Variants in SECISBP2L observed in about 807,000 individuals in gnomAD.
SECISBP2L encodes SECIS binding protein 2 like.
A neutral mutation model predicts 114.7 loss-of-function variants in SECISBP2L; 43 were observed. The observed-to-expected ratio is 0.38, with a 90% CI of 0.29 to 0.48. The LOEUF (loss-of-function observed/expected upper bound fraction) is 0.48, where lower values mean the gene tolerates loss of function less well. Ranked by LOEUF, SECISBP2L falls within the 20% of genes least tolerant of loss-of-function variation. SECISBP2L has a pLI of 0.98. For synonymous variants in SECISBP2L, 451 were observed against 439.7 expected, an observed-to-expected ratio of 1.03 and a Z score of -0.32; for missense variants, 1,136 against 1,301.1, an observed-to-expected ratio of 0.87 and a Z score of 1.95.
At position 49,027,457 on chromosome 15, in the gene SECISBP2L, T is replaced by G. The variant is rs777372900; in HGVS notation, c.943A>C (p.Thr315Pro). ...GGTTTTTTCTGAGTTGCCTGGCAAGTTACATTGGACCAATTTACACCACCT... is the reference window on the plus strand; with the variant it reads ...GGTTTTTTCTGAGTTGCCTGGCAAGGTACATTGGACCAATTTACACCACCT... ...CAGGVNWSNV[T>P]CQATQKKPWM... Residue 315 changes from threonine to proline, a missense_variant, in exon 7 of 18, where the codon ACT (threonine) becomes CCT (proline). Physicochemically the swap from Thr to Pro is conservative, Grantham distance 38. Coordinates refer to ENST00000559471, the MANE Select transcript of SECISBP2L (RefSeq NM_001193489.2). 9 of 1,608,894 alleles carry G rather than the reference T, an allele frequency of 5.6e-6. No individual in the cohort carries two copies. The highest frequency in any genetic ancestry group is 7.6e-6 in the Non-Finnish European group (9 of 1,176,478).
chr15:49,026,235 G>A (rs1449827545), intron 7 of SECISBP2L, among the ~76,000 whole-genome samples: 1 of 152,116 alleles, frequency 6.6e-6, no homozygotes, highest in African/African-American at 2.4e-5. Flanking sequence ...TTGAGGGAGA[G>A]GGATAGGGAA....
In SECISBP2L at chr15:49,012,716, A is replaced by G. The variant is rs1902461060; in HGVS notation, c.1663T>C (p.Ser555Pro). The change falls in exon 12 of 18, where the codon TCT becomes CCT. Residue 555 changes from serine (S) to proline (P), a missense_variant. Ser to Pro is a moderately conservative substitution (Grantham distance 74). Coordinates refer to ENST00000559471, the MANE Select transcript of SECISBP2L (RefSeq NM_001193489.2). ...LTSFNSVDIA[S>P]SKAKKGKEKE... is the part of the protein sequence containing the mutation. ...TCTTTTCCTTTTTTTGCTTTAGAAG[A>G]AGCAATGTCCACAGAATTAAAGGAT... 3.7e-6 allele frequency: 6 copies of G among 1,613,718 alleles called. No homozygotes were observed. Among genetic ancestry groups the G allele is most frequent in the Non-Finnish European group, 4.2e-6 (5 of 1,179,896 alleles).
rs1437349283 is a variant in SECISBP2L at position 49,000,983 on chromosome 15, T to C, written c.2142A>G (p.Ala714=). Residue 714 remains alanine, a synonymous_variant, in exon 15 of 18, where the codon GCA becomes GCG. Transcript: ENST00000559471. ...TTAGACCCATAACGAGTCGTCTCCT[T>C]GCTTTTGCTCTTACAGGATCTTTTT... The part of the protein sequence containing the change: ...IYQKDPVRAK[A]RRRLVMGLRE... 1 of 1,613,982 alleles carries C rather than the reference T, an allele frequency of 6.2e-7. No individual in the cohort carries two copies. The highest frequency in any genetic ancestry group is 2.2e-5 in the East Asian group (1 of 44,850).
Position 49,016,990 on chromosome 15 carries a change from G to C in SECISBP2L, c.1277C>G (p.Pro426Arg). The C allele has an allele frequency of 6.2e-7, 1 of 1,612,362 alleles. No individual in the cohort carries two copies. Among genetic ancestry groups the C allele is most frequent in the Non-Finnish European group, 8.5e-7 (1 of 1,179,398 alleles). The change falls in exon 10 of 18, where the codon CCA becomes CGA. Residue 426 changes from proline to arginine, a missense_variant. Transcript: ENST00000559471. Reference protein sequence around the residue: ...KVLDDLPENSPINIVQTPIPI... With the variant: ...KVLDDLPENSRINIVQTPIPI... ...AATTGGAGTCTGAACTATATTGATT[G>C]GTGAGTTTTCAGGTAAATCATCCAA...
chr15:49,046,273 T>C lies in SECISBP2L; in HGVS notation c.24+3A>G. On this transcript the variant is annotated splice_donor_region_variant and intron_variant, in intron 1 of 17. Transcript: ENST00000559471. ...TCGGCGGGCCCAGCCCAAACCCGCG[T>C]ACCTGCTCCGTGGGGGCTCGGTCCA... 1 of 1,561,840 alleles carries C rather than the reference T, an allele frequency of 6.4e-7. No individual in the cohort carries two copies. The highest frequency in any genetic ancestry group is 8.6e-7 in the Non-Finnish European group (1 of 1,156,244).
Position 48,992,073 on chromosome 15 carries a change from A to G in SECISBP2L, c.*171T>C, listed in dbSNP as rs1901988276. On this transcript the variant is annotated 3_prime_UTR_variant, in exon 18 of 18. Coordinates refer to ENST00000559471, the MANE Select transcript of SECISBP2L (RefSeq NM_001193489.2). ...ACAGTTCTTAGAAAGACACTTAGAT[A>G]CTAATTAAAAGCTAAGCTACAGATC... The G allele has an allele frequency of 3.6e-6, 2 of 555,376 alleles. No homozygotes were observed. Among genetic ancestry groups the G allele is most frequent in the Non-Finnish European group, 6.1e-6 (2 of 327,824 alleles). The allele number at this position is 555,376 out of a possible 1,614,324, so 34.4% of individuals were successfully genotyped here.
rs765943198 is a variant in SECISBP2L at position 48,992,929 on chromosome 15, A to G, written c.2624-3T>C. The G allele has an allele frequency of 1.3e-5, 21 of 1,607,778 alleles. No individual in the cohort carries two copies. The highest frequency in any genetic ancestry group is 2.2e-5 in the East Asian group (1 of 44,814). On this transcript the variant is annotated splice_region_variant and splice_polypyrimidine_tract_variant and intron_variant, in intron 17 of 17. Coordinates refer to ENST00000559471, the MANE Select transcript of SECISBP2L (RefSeq NM_001193489.2). ...CACCATGTTTCTCCAATTTGTTTCT[A>G]CAAGTATCAAGCAGATTTTTTAAAA...
At chr15:49,043,098 T>C (rs1903175265) in intron 1 of SECISBP2L, among the ~76,000 whole-genome samples, 1 of 152,210 alleles carries the variant, frequency 6.6e-6, no homozygotes, top group Admixed American at 6.5e-5. Flanking sequence ...TATTAATACT[T>C]TTTTATTATG....
Position 48,991,987 on chromosome 15 carries a change from G to T in SECISBP2L, c.*257C>A. On this transcript the variant is annotated 3_prime_UTR_variant, in exon 18 of 18. Transcript: ENST00000559471. The stretch of plus-strand genomic sequence containing the variant: ...TGAAATTTATTTTCTTTAAGATCTG[G>T]TCTTCTTTTTATCACTGTTTTTGAT... 2.8e-6 allele frequency: 1 copy of T among 353,466 alleles called. No individual in the cohort carries two copies. The highest frequency in any genetic ancestry group is 5.1e-6 in the Non-Finnish European group (1 of 196,590). The allele number at this position is 353,466 out of a possible 1,614,324, so 21.9% of individuals were successfully genotyped here. A position where few individuals can be genotyped will look rare whatever the true frequency, so the allele number is the denominator to read the frequency against.
chr15:49,021,617 C>T (rs1272684114), intron 7 of SECISBP2L, among the ~76,000 whole-genome samples: 1 of 152,208 alleles, frequency 6.6e-6, no homozygotes, highest in Non-Finnish European at 1.5e-5. Flanking sequence ...ACACAAAGAC[C>T]TGGAACCACC....
In SECISBP2L at chr15:48,988,693, AGTGC is replaced by A; in HGVS notation, c.*3547_*3550del. Reference sequence around the variant, plus strand: ...GAAGAATCCCCACTAGTATTTACATAGTGCAAAAAAGCTGTTATTACCCCCCAAA... The same window carrying A: ...GAAGAATCCCCACTAGTATTTACATAAAAAAAGCTGTTATTACCCCCCAAA... On this transcript the variant is annotated 3_prime_UTR_variant, in exon 18 of 18. Coordinates refer to ENST00000559471, the MANE Select transcript of SECISBP2L (RefSeq NM_001193489.2). The A allele has an allele frequency of 2.3e-6, 1 of 434,760 alleles. No individual in the cohort carries two copies. Among genetic ancestry groups the A allele is most frequent in the South Asian group, 1.6e-5 (1 of 60,798 alleles). 26.9% of individuals were successfully genotyped at this position (434,760 alleles called of 1,614,324 possible). A position where few individuals can be genotyped will look rare whatever the true frequency, so the allele number is the denominator to read the frequency against.
chr15:49,022,906 G>T (rs1354116355), intron 7 of SECISBP2L, among the ~76,000 whole-genome samples: 2 of 151,814 alleles, frequency 1.3e-5, no homozygotes, highest in African/African-American at 2.4e-5. Context: ...ATGGAATAAA[G>T]ATTTAAATGT....
In SECISBP2L at chr15:48,989,164, C is replaced by A; in HGVS notation, c.*3080G>T. 1 of 150,280 alleles carries A rather than the reference C, an allele frequency of 6.7e-6. No homozygotes were observed. The allele number at this position is 150,280 out of a possible 1,614,324, so 9.3% of individuals were successfully genotyped here. A position where few individuals can be genotyped will look rare whatever the true frequency, so the allele number is the denominator to read the frequency against. On this transcript the variant is annotated 3_prime_UTR_variant, in exon 18 of 18. Coordinates refer to ENST00000559471, the MANE Select transcript of SECISBP2L (RefSeq NM_001193489.2). ...TTTAAGCAAACAGCAGCTTTACAAACAGTAATACTTCTTTATACATATATT... is the reference window on the plus strand; with the variant it reads ...TTTAAGCAAACAGCAGCTTTACAAAAAGTAATACTTCTTTATACATATATT...
Position 48,992,322 on chromosome 15 carries a change from A to C in SECISBP2L, c.3228T>G (p.Pro1076=), listed in dbSNP as rs756561035. Residue 1076 remains proline, a synonymous_variant, in exon 18 of 18, where the codon CCT becomes CCG. Coordinates refer to ENST00000559471, the MANE Select transcript of SECISBP2L (RefSeq NM_001193489.2). ...EAWTADQQAS[P]GQQKSSNCSS... is the part of the protein sequence containing the mutation. ...TGCAGTTGCTGGACTTCTGCTGCCC[A>C]GGACTGGCCTGCTGGTCAGCAGTCC... 3.7e-6 allele frequency: 6 copies of C among 1,614,052 alleles called. No individual in the cohort carries two copies. In the Admixed American group the frequency reaches 5.0e-5, roughly 13 times the overall value.
intron 3 of SECISBP2L, among the ~76,000 whole-genome samples, chr15:49,034,164 C>T (rs960254020): frequency 5.9e-5 from 9 of 152,008 alleles, no homozygotes; most frequent in East Asian, 1.9e-4. Context: ...AGAAATTATA[C>T]GAGGAGGCAG....
intron 3 of SECISBP2L, among the ~76,000 whole-genome samples, chr15:49,034,206 G>T (rs7165264): frequency 0.52 from 78,345 of 151,924 alleles, 22,144 homozygotes; most frequent in Non-Finnish European, 0.63. Flanking sequence ...TGGGCTAATG[G>T]AATCTAGGGA....
At chr15:48,997,115 C>A (rs1443358920) in intron 16 of SECISBP2L, among the ~76,000 whole-genome samples, 1 of 152,132 alleles carries the variant, frequency 6.6e-6, no homozygotes, top group African/African-American at 2.4e-5. Context: ...GAAAAAGGTA[C>A]AATTTTGAGG....
At chr15:49,037,896 C>A in intron 1 of SECISBP2L, 127 bp from the exon 2 acceptor site, 1 of 603,746 alleles carries the variant, frequency 1.7e-6, no homozygotes. Context: ...ATTCATAAAA[C>A]ATCCAAAAGG....
At chr15:49,037,379 G>A in intron 2 of SECISBP2L, 1 of 361,574 alleles carries the variant, frequency 2.8e-6, no homozygotes, top group Non-Finnish European at 5.0e-6. Context: ...ATGACTTACT[G>A]AAGGAGACAT....
Sources: allele counts gnomAD v4.1 joint callset (sites outside exome capture counted in the v4.1 genomes callset), GRCh38; gene constraint gnomAD v4.1.1; transcripts MANE v1.5; gene names NCBI Gene and HGNC (gene_info 2026-07-23, HGNC 2026-07-21).